FAM185A: variants seen among roughly 807,000 people sequenced by gnomAD.
FAM185A encodes family with sequence similarity 185 member A.
A neutral mutation model predicts 45.7 loss-of-function variants in FAM185A; 21 were observed. The observed-to-expected ratio is 0.46, with a 90% CI of 0.33 to 0.66. The LOEUF (loss-of-function observed/expected upper bound fraction) is 0.66. Among genes scored for constraint, FAM185A ranks in the 30% least tolerant of loss-of-function variants. FAM185A has a pLI of 0.03. For synonymous variants in FAM185A, 117 were observed against 194.0 expected (o/e 0.60, Z 3.30); for missense variants, 305 against 485.4 (o/e 0.63, Z 3.49).
chr7:102,790,561 CAT>C (rs1796085520), intron 7 of FAM185A, among the ~76,000 whole-genome samples: 1 of 152,206 alleles, frequency 6.6e-6, no homozygotes, highest in Non-Finnish European at 1.5e-5. Flanking sequence ...AAATTATTTG[CAT>C]ATGTAAGCAT....
intron 7 of FAM185A, among the ~76,000 whole-genome samples, chr7:102,791,039 A>G (rs1468772481): frequency 1.3e-5 from 2 of 152,236 alleles, no homozygotes; most frequent in African/African-American, 4.8e-5. Context: ...CTGTGAGAAC[A>G]CAGGGGTGAG....
At chr7:102,781,430 C>T (rs1795399649) in intron 6 of FAM185A, among the ~76,000 whole-genome samples, 1 of 152,170 alleles carries the variant, frequency 6.6e-6, no homozygotes, top group East Asian at 1.9e-4. Flanking sequence ...AGACTGACAC[C>T]TCACACGGCC....
At chr7:102,762,509 A>G (rs1287997595) in intron 4 of FAM185A, among the ~76,000 whole-genome samples, 3 of 152,080 alleles carry the variant, frequency 2.0e-5, no homozygotes, top group African/African-American at 4.8e-5. Context: ...GACTTTTTCC[A>G]TATATAGTCC....
downstream of FAM185A, among the ~76,000 whole-genome samples, chr7:102,811,911 G>A (rs1042155244): frequency 3.3e-5 from 5 of 152,180 alleles, no homozygotes; most frequent in African/African-American, 1.2e-4. Flanking sequence ...GTCAACCTCA[G>A]TGGGGGAGAA....
intron 2 of FAM185A, among the ~76,000 whole-genome samples, chr7:102,754,470 C>T (rs538288129): frequency 2.0e-5 from 3 of 152,380 alleles, no homozygotes; most frequent in Non-Finnish European, 2.9e-5. Context: ...CATGAGCCAC[C>T]GTGCTCAGCC....
chr7:102,774,908 TAAA>T (rs1794963418), intron 5 of FAM185A, among the ~76,000 whole-genome samples: 1 of 152,128 alleles, frequency 6.6e-6, no homozygotes, highest in African/African-American at 2.4e-5. Flanking sequence ...GCCCTTTCTT[TAAA>T]ATATCTATCA....
In FAM185A at chr7:102,749,036, C is replaced by T. The variant is rs1440043342; in HGVS notation, c.-172C>T. The T allele has an allele frequency of 9.7e-6, 10 of 1,029,882 alleles. No individual in the cohort carries two copies. Among genetic ancestry groups the T allele is most frequent in the African/African-American group, 9.5e-5 (6 of 63,414 alleles). 63.8% of individuals were successfully genotyped at this position (1,029,882 alleles called of 1,614,324 possible). A position where few individuals can be genotyped will look rare whatever the true frequency, so the allele number is the denominator to read the frequency against. ...TCCCAACTTGCCCCTGGGGATTGCG[C>T]GGCTGATGTTTAGAACGCCTAGTCA... On this transcript the variant is annotated 5_prime_UTR_variant, in exon 1 of 8. Coordinates refer to ENST00000413034, the MANE Select transcript of FAM185A (RefSeq NM_001145268.2).
the FAM185A span, among the ~76,000 whole-genome samples, chr7:102,826,723 TCATATATATATATA>T: frequency 2.0e-5 from 1 of 50,628 alleles, no homozygotes; most frequent in Non-Finnish European, 4.2e-5. Context: ...AGACCCTGTC[TCATATATATATATA>T]TATATATATA....
downstream of FAM185A, among the ~76,000 whole-genome samples, chr7:102,812,987 C>T (rs537791257): frequency 6.6e-5 from 10 of 151,930 alleles, no homozygotes; most frequent in South Asian, 4.2e-4. Context: ...GGATTACAGG[C>T]GCCCACCACC....
chr7:102,801,108 G>T (rs991122993), intron 7 of FAM185A, among the ~76,000 whole-genome samples: 1 of 152,154 alleles, frequency 6.6e-6, no homozygotes, highest in Admixed American at 6.6e-5. Context: ...TATCAGCCAA[G>T]AATTTTGTAT....
At chr7:102,772,623 C>T (rs1049087995) in intron 5 of FAM185A, among the ~76,000 whole-genome samples, 173 bp downstream of exon 5, 3 of 151,688 alleles carry the variant, frequency 2.0e-5, no homozygotes, top group African/African-American at 7.3e-5. Flanking sequence ...AAGAAAATCG[C>T]CTGAGCTGGT....
the FAM185A span, among the ~76,000 whole-genome samples, chr7:102,829,157 G>A: frequency 6.6e-6 from 1 of 152,196 alleles, no homozygotes; most frequent in Admixed American, 6.5e-5. Flanking sequence ...CGGTGCAAGT[G>A]GAACATTTAC....
At chr7:102,774,585 T>C (rs1794941467) in intron 5 of FAM185A, among the ~76,000 whole-genome samples, 2 of 152,114 alleles carry the variant, frequency 1.3e-5, no homozygotes, top group Non-Finnish European at 2.9e-5. Context: ...TTTTATCAGA[T>C]TGGGAGAGTA....
intron 6 of FAM185A, among the ~76,000 whole-genome samples, chr7:102,786,648 A>T (rs999919651): frequency 1.3e-5 from 2 of 152,132 alleles, no homozygotes; most frequent in African/African-American, 4.8e-5. Context: ...TGGACACAGG[A>T]AGGGGAACAT....
the FAM185A span, among the ~76,000 whole-genome samples, chr7:102,827,531 A>T: frequency 2.0e-5 from 3 of 149,368 alleles, no homozygotes; most frequent in East Asian, 3.9e-4. Context: ...CCCATTGATC[A>T]TTTTTTTTTT....
intron 3 of FAM185A, among the ~76,000 whole-genome samples, chr7:102,759,272 A>G (rs1459791550): frequency 6.6e-6 from 1 of 152,110 alleles, no homozygotes; most frequent in African/African-American, 2.4e-5. Flanking sequence ...TAATATCTTA[A>G]TCATTTGCTA....
chr7:102,770,846 T>G (rs1794703523), intron 4 of FAM185A, among the ~76,000 whole-genome samples: 1 of 152,108 alleles, frequency 6.6e-6, no homozygotes, highest in Admixed American at 6.6e-5. Context: ...ACCCAGCAAT[T>G]CCATTACTGG....
At chr7:102,799,360 A>G (rs878909363) in intron 7 of FAM185A, among the ~76,000 whole-genome samples, 1,345 of 135,470 alleles carry the variant, frequency 9.9e-3, no homozygotes, top group Non-Finnish European at 0.011. Context: ...GAAAAACGCA[A>G]TGAGCTCCAG....
At chr7:102,784,655 A>G (rs545588629) in intron 6 of FAM185A, among the ~76,000 whole-genome samples, 24 of 152,334 alleles carry the variant, frequency 1.6e-4, no homozygotes, top group African/African-American at 5.1e-4. Flanking sequence ...AAAACTCTCA[A>G]TAAATTAGGT....
Sources: allele counts gnomAD v4.1 joint callset (sites outside exome capture counted in the v4.1 genomes callset), GRCh38; gene constraint gnomAD v4.1.1; transcripts MANE v1.5; gene names NCBI Gene and HGNC (gene_info 2026-07-23, HGNC 2026-07-21).